LIMCH1: variants seen among roughly 807,000 people sequenced by gnomAD.
LIMCH1 encodes LIM and calponin homology domains-containing protein 1.
LIMCH1 carries 113 observed loss-of-function variants against 176.5 expected under a neutral mutation model. The observed-to-expected ratio is 0.64, with a 90% CI of 0.55 to 0.75. LIMCH1 has a LOEUF of 0.75. LIMCH1 is among the 30% of genes least tolerant of loss of function. The pLI is 0.00. For missense variants in LIMCH1, 1,674 were observed against 1,814.9 expected (o/e 0.92, Z 1.41); for synonymous variants, 619 against 645.9 (o/e 0.96, Z 0.63).
chr4:41,605,692 G>A (rs371319979), intron 3 of LIMCH1, among the ~76,000 whole-genome samples: 5 of 150,314 alleles, frequency 3.3e-5, no homozygotes, highest in South Asian at 2.2e-4. Flanking sequence ...CTACTCAACC[G>A]TGTTTGTGTT....
intron 2 of LIMCH1, among the ~76,000 whole-genome samples, chr4:41,509,179 C>G (rs2074536935): frequency 6.6e-6 from 1 of 152,134 alleles, no homozygotes; most frequent in Non-Finnish European, 1.5e-5. Context: ...ATGGTCACCC[C>G]AGTTATTGAT....
At position 41,681,008 on chromosome 4, in the gene LIMCH1, C is replaced by T. The variant is rs143971599; in HGVS notation, c.3666C>T (p.Ser1222=). The T allele has an allele frequency of 2.6e-4, 422 of 1,612,696 alleles. 1 individual carries two copies. Among genetic ancestry groups the T allele is most frequent in the Admixed American group, 1.3e-3 (75 of 59,986 alleles). Residue 1222 remains serine, a synonymous_variant, in exon 25 of 32, where the codon TCC becomes TCT. Coordinates refer to ENST00000503057, the MANE Select transcript of LIMCH1 (RefSeq NM_001330672.2). ...TTCCATTTACTGTTTCTTCAAGTTC[C>T]GCTGACCAGCTGTCTACCTCTTCCT... ...TVVPFTVSSS[S]ADQLSTSSSM... is the part of the protein sequence containing the mutation.
At position 41,596,025 on chromosome 4, in the gene LIMCH1, G is replaced by T. The variant is rs113659624; in HGVS notation, c.-240-2895G>T. On this transcript the variant is annotated intron_variant, in intron 1 of 31. Transcript: ENST00000503057. The stretch of plus-strand genomic sequence containing the variant: ...AGATTGCATACTGCACTCCAGCCTG[G>T]GTGACAGAGTGAGACTCCATCTCAA... Among the ~76,000 whole-genome samples, 35 of 146,084 alleles carry T rather than the reference G, an allele frequency of 2.4e-4. 1 individual carries two copies. The highest frequency in any genetic ancestry group is 9.1e-4 in the African/African-American group (33 of 36,270).
At chr4:41,636,277 G>A (rs1585145031) in intron 13 of LIMCH1, among the ~76,000 whole-genome samples, 1 of 148,912 alleles carries the variant, frequency 6.7e-6, no homozygotes, top group African/African-American at 2.5e-5. Flanking sequence ...TGACCTGCGT[G>A]GCCAATTTTT....
intron 1 of LIMCH1, among the ~76,000 whole-genome samples, chr4:41,362,170 A>G (rs1031033662): frequency 1.3e-5 from 2 of 152,194 alleles, no homozygotes; most frequent in African/African-American, 2.4e-5. Flanking sequence ...CCTGTACCCT[A>G]CAGGGTTAAC....
At chr4:41,393,424 G>A (rs2057468087) in intron 1 of LIMCH1, among the ~76,000 whole-genome samples, 4 of 152,224 alleles carry the variant, frequency 2.6e-5, no homozygotes, top group Non-Finnish European at 5.9e-5. Flanking sequence ...GCATGGGATT[G>A]TTGCATTTGG....
At chr4:41,394,207 T>G (rs1314511624) in intron 1 of LIMCH1, among the ~76,000 whole-genome samples, 1 of 152,190 alleles carries the variant, frequency 6.6e-6, no homozygotes, top group Non-Finnish European at 1.5e-5. Context: ...CTACCATACC[T>G]TTCAGGGAAG....
chr4:41,604,268 T>C (rs1267641025), intron 3 of LIMCH1: 4 of 953,592 alleles, frequency 4.2e-6, no homozygotes, highest in African/African-American at 1.8e-5. Flanking sequence ...GGCAAATTGT[T>C]GTAGGGTAAG....
intron 1 of LIMCH1, among the ~76,000 whole-genome samples, chr4:41,435,967 G>C (rs1342611554): frequency 6.6e-6 from 1 of 152,086 alleles, no homozygotes; most frequent in African/African-American, 2.4e-5. Flanking sequence ...TCCTTATTTT[G>C]AAGACTTCAC....
At chr4:41,518,051 T>C (rs2075760796) in intron 2 of LIMCH1, among the ~76,000 whole-genome samples, 1 of 152,208 alleles carries the variant, frequency 6.6e-6, no homozygotes, top group Non-Finnish European at 1.5e-5. Flanking sequence ...CTTTCCAACC[T>C]TGTGTTTAAG....
At chr4:41,527,502 C>G (rs559279945) in intron 3 of LIMCH1, among the ~76,000 whole-genome samples, 1 of 152,300 alleles carries the variant, frequency 6.6e-6, no homozygotes, top group East Asian at 1.9e-4. Flanking sequence ...AACAGCTGGC[C>G]TGTCCTCTTC....
chr4:41,408,684 T>C (rs541813300), intron 1 of LIMCH1, among the ~76,000 whole-genome samples: 71 of 152,352 alleles, frequency 4.7e-4, no homozygotes, highest in African/African-American at 1.7e-3. Context: ...TGTGATTTTA[T>C]GGAATCAAAA....
At chr4:41,676,640 CT>C (rs2095228103) in intron 23 of LIMCH1, among the ~76,000 whole-genome samples, 178 bp downstream of exon 23, 1 of 152,076 alleles carries the variant, frequency 6.6e-6, no homozygotes, top group Admixed American at 6.5e-5. Flanking sequence ...CTCATTCTTC[CT>C]GCCAAAGACT....
chr4:41,625,224 T>C (rs1327895676), intron 7 of LIMCH1, among the ~76,000 whole-genome samples: 2 of 152,166 alleles, frequency 1.3e-5, no homozygotes, highest in Non-Finnish European at 2.9e-5. Context: ...AGGGTTGTCA[T>C]GAAAGTTAGT....
intron 2 of LIMCH1, among the ~76,000 whole-genome samples, chr4:41,501,857 CTTTTTTTTT>C (rs71198662): frequency 0.13 from 9,760 of 75,230 alleles, 557 homozygotes; most frequent in South Asian, 0.28. Context: ...GTGTAGAATC[CTTTTTTTTT>C]TTTTTTTTTT....
Position 41,698,835 on chromosome 4 carries a change from A to G in LIMCH1, c.*1650A>G, listed in dbSNP as rs534958221. The G allele has an allele frequency of 1.4e-4, 21 of 152,632 alleles. No homozygotes were observed. The highest frequency in any genetic ancestry group is 2.6e-4 in the Non-Finnish European group (18 of 68,034). The allele number at this position is 152,632 out of a possible 1,614,324, so 9.5% of individuals were successfully genotyped here. ...GTTATTAGATTGAAATCTACACATCATTTCATTAAAAATTGTGCCTTAGAA... is the reference window on the plus strand; with the variant it reads ...GTTATTAGATTGAAATCTACACATCGTTTCATTAAAAATTGTGCCTTAGAA... On this transcript the variant is annotated 3_prime_UTR_variant, in exon 32 of 32. Transcript: ENST00000503057.
At chr4:41,619,768 C>T (rs1460672621) in intron 6 of LIMCH1, 3 of 341,522 alleles carry the variant, frequency 8.8e-6, no homozygotes, top group Non-Finnish European at 1.6e-5. Flanking sequence ...GACTCCCAAT[C>T]CTGTCAGATT....
At chr4:41,503,802 G>T (rs1341059769) in intron 2 of LIMCH1, among the ~76,000 whole-genome samples, 1 of 152,136 alleles carries the variant, frequency 6.6e-6, no homozygotes, top group African/African-American at 2.4e-5. Context: ...CTACCAGTCG[G>T]TTCCCTCAGC....
intron 2 of LIMCH1, among the ~76,000 whole-genome samples, chr4:41,519,302 T>A (rs7653948): frequency 0.52 from 78,914 of 152,064 alleles, 23,655 homozygotes; most frequent in African/African-American, 0.83. Flanking sequence ...CCAGCTTCAG[T>A]CCAGACATCA....
Sources: allele counts gnomAD v4.1 joint callset (sites outside exome capture counted in the v4.1 genomes callset), GRCh38; gene constraint gnomAD v4.1.1; transcripts MANE v1.5; gene names NCBI Gene and HGNC (gene_info 2026-07-23, HGNC 2026-07-21).